WDR33: variants seen among roughly 807,000 people sequenced by gnomAD.
WDR33 encodes the protein pre-mRNA 3' end processing protein WDR33.
A neutral mutation model predicts 164.9 loss-of-function variants in WDR33; 47 were observed. The observed-to-expected ratio is 0.29, with a 90% CI of 0.23 to 0.36. The LOEUF (loss-of-function observed/expected upper bound fraction) is 0.36. Among genes scored for constraint, WDR33 ranks in the 10% least tolerant of loss-of-function variants. The pLI is 1.00. For missense variants in WDR33, 1,137 were observed against 1,754.1 expected, an observed-to-expected ratio of 0.65 and a Z score of 6.28; for synonymous variants, 505 against 589.0, an observed-to-expected ratio of 0.86 and a Z score of 2.06.
In WDR33 at chr2:127,724,765, TGCAA is replaced by T; in HGVS notation, c.1085+118_1085+121del. The T allele has an allele frequency of 9.2e-7, 1 of 1,087,728 alleles. No individual in the cohort carries two copies. The highest frequency in any genetic ancestry group is 1.4e-6 in the Non-Finnish European group (1 of 723,878). 67.4% of individuals were successfully genotyped at this position (1,087,728 alleles called of 1,614,324 possible). On this transcript the variant is annotated intron_variant, in intron 10 of 21. Coordinates refer to ENST00000322313, the MANE Select transcript of WDR33 (RefSeq NM_018383.5). This position sits in a 1 kb window ranked among gnomAD's most constrained non-coding sequence, Gnocchi z 4.8. ...AAGCTGGATTTACAGAACTGAAAAC[TGCAA>T]GCAGTCTCTGATATAGGATATATGA...
At chr2:127,732,304 TTC>T (rs931538454) in intron 7 of WDR33, among the ~76,000 whole-genome samples, 1 of 151,544 alleles carries the variant, frequency 6.6e-6, no homozygotes, top group African/African-American at 2.4e-5. Context: ...TTGAACTTTT[TTC>T]TTTTTTTTTT....
chr2:127,773,225 C>G (rs1319348972), intron 1 of WDR33, among the ~76,000 whole-genome samples: 1 of 152,164 alleles, frequency 6.6e-6, no homozygotes, highest in Non-Finnish European at 1.5e-5. Flanking sequence ...GCTTTTGTTT[C>G]AAAACCAGAA....
chr2:127,808,053 C>T (rs1176282915), intron 1 of WDR33, among the ~76,000 whole-genome samples: 1 of 152,078 alleles, frequency 6.6e-6, no homozygotes, highest in Admixed American at 6.6e-5. Context: ...ATACAAAATG[C>T]TTTAATAGCA....
At chr2:127,778,111 T>G (rs540802642) in intron 1 of WDR33, among the ~76,000 whole-genome samples, 1 of 152,022 alleles carries the variant, frequency 6.6e-6, no homozygotes, top group East Asian at 1.9e-4. Context: ...CTAGGCAGAA[T>G]AGCAAGACCC....
rs997945134 is a variant in WDR33, at chr2:127,736,158, GTCT to G, written c.725-9384_725-9382del. ...AATCTGTGGGAGAATTTGGTCACGAGTCTTCTTTTCTCAAGAGTACTTCCAAGT... is the reference window on the plus strand; with the variant it reads ...AATCTGTGGGAGAATTTGGTCACGAGTCTTTTCTCAAGAGTACTTCCAAGT... On this transcript the variant is annotated intron_variant, in intron 7 of 21. Coordinates refer to ENST00000322313, the MANE Select transcript of WDR33 (RefSeq NM_018383.5). The G allele has an allele frequency of 2.2e-5, 22 of 985,292 alleles. No individual in the cohort carries two copies. The African/African-American group carries it at 3.7e-4, about 16-fold the overall frequency. The allele number at this position is 985,292 out of a possible 1,614,324, so 61.0% of individuals were successfully genotyped here.
rs1686303316 is a variant in WDR33 at position 127,716,459 on chromosome 2, TC to T, written c.2869+695del. ...CAGTGTTTCCTCTCACTCCCCTCCATCCACTCCGAGTCACCCCCTGCAACTC... is the reference window on the plus strand; with the variant it reads ...CAGTGTTTCCTCTCACTCCCCTCCATCACTCCGAGTCACCCCCTGCAACTC... On this transcript the variant is annotated intron_variant, in intron 17 of 21. Coordinates refer to ENST00000322313, the MANE Select transcript of WDR33 (RefSeq NM_018383.5). This position sits in a 1 kb window ranked among gnomAD's most constrained non-coding sequence, Gnocchi z 4.5. Among the ~76,000 whole-genome samples, 1 of 152,078 alleles carries T rather than the reference TC, an allele frequency of 6.6e-6. No individual in the cohort carries two copies. Among genetic ancestry groups the T allele is most frequent in the African/African-American group, 2.4e-5 (1 of 41,408 alleles).
In WDR33 at chr2:127,724,770, G is replaced by A. The variant is rs1026599045; in HGVS notation, c.1085+117C>T. ...GGATTTACAGAACTGAAAACTGCAA[G>A]CAGTCTCTGATATAGGATATATGAA... On this transcript the variant is annotated intron_variant, in intron 10 of 21. Transcript: ENST00000322313. The surrounding 1 kb of genome is among the most constrained non-coding windows in gnomAD (Gnocchi z 4.8). The A allele has an allele frequency of 4.5e-6, 5 of 1,118,736 alleles. No homozygotes were observed. The highest frequency in any genetic ancestry group is 1.4e-5 in the South Asian group (1 of 72,852). The allele number at this position is 1,118,736 out of a possible 1,614,324, so 69.3% of individuals were successfully genotyped here.
intron 1 of WDR33, among the ~76,000 whole-genome samples, chr2:127,800,555 T>G (rs1027802827): frequency 6.8e-6 from 1 of 148,062 alleles, no homozygotes; most frequent in Non-Finnish European, 1.5e-5. Flanking sequence ...GAGAATGGCA[T>G]GAACCCAGGA....
intron 1 of WDR33, among the ~76,000 whole-genome samples, chr2:127,808,897 G>A (rs1689530990): frequency 6.6e-6 from 1 of 152,060 alleles, no homozygotes; most frequent in Non-Finnish European, 1.5e-5. Flanking sequence ...GGACGCGGTG[G>A]CGGGCGCCTA....
chr2:127,791,609 GC>G (rs1347048932), intron 1 of WDR33, among the ~76,000 whole-genome samples: 1 of 151,980 alleles, frequency 6.6e-6, no homozygotes, highest in Non-Finnish European at 1.5e-5. Context: ...TGTCACAGAG[GC>G]CCCCATCTCC....
At chr2:127,780,910 G>A (rs949394894) in intron 1 of WDR33, among the ~76,000 whole-genome samples, 1 of 152,000 alleles carries the variant, frequency 6.6e-6, no homozygotes, top group Non-Finnish European at 1.5e-5. Context: ...ACCCAGGCTG[G>A]AGTGCAGTGG....
At position 127,709,627 on chromosome 2, in the gene WDR33, G is replaced by GT; in HGVS notation, c.3473-46dup. 6.2e-7 allele frequency: 1 copy of GT among 1,612,428 alleles called. No individual in the cohort carries two copies. The highest frequency in any genetic ancestry group is 1.1e-5 in the South Asian group (1 of 91,074). On this transcript the variant is annotated intron_variant, in intron 19 of 21. Transcript: ENST00000322313. The surrounding 1 kb of genome is among the most constrained non-coding windows in gnomAD (Gnocchi z 5.0). Reference sequence around the variant, plus strand: ...ATGCTGCACTCAGACTGTTCCTGGTGTATTCACAACCAGTGTATTCTGCAC... The same window carrying GT: ...ATGCTGCACTCAGACTGTTCCTGGTGTTATTCACAACCAGTGTATTCTGCAC...
chr2:127,715,062 C>T (rs1476679382), intron 17 of WDR33, among the ~76,000 whole-genome samples: 1 of 151,294 alleles, frequency 6.6e-6, no homozygotes, highest in African/African-American at 2.4e-5. Context: ...AACAGCATCC[C>T]TCTTCTTTCT....
Position 127,738,075 on chromosome 2 carries a change from C to G in WDR33, c.725-11298G>C, listed in dbSNP as rs145942589. ...TGTATCTATCAAAACAAGAAGGGTG[C>G]ATGAACTCTTAAATACTGTGCAGGC... On this transcript the variant is annotated intron_variant, in intron 7 of 21. Coordinates refer to ENST00000322313, the MANE Select transcript of WDR33 (RefSeq NM_018383.5). The surrounding 1 kb of genome is among the most constrained non-coding windows in gnomAD (Gnocchi z 4.4). The G allele has an allele frequency of 9.5e-4, 1,528 of 1,610,358 alleles. 19 individuals carry two copies. The African/African-American group carries it at 0.017, about 18-fold the overall frequency.
At chr2:127,774,080 C>A (rs1228956976) in intron 1 of WDR33, among the ~76,000 whole-genome samples, 1 of 137,800 alleles carries the variant, frequency 7.3e-6, no homozygotes, top group Non-Finnish European at 1.5e-5. Flanking sequence ...AAGACAGAGT[C>A]TCACTCTGTT....
intron 1 of WDR33, among the ~76,000 whole-genome samples, chr2:127,785,695 T>C (rs1356988220): frequency 2.0e-5 from 3 of 152,220 alleles, no homozygotes; most frequent in Non-Finnish European, 4.4e-5. Context: ...ACTCTATGGA[T>C]GTACCAAACT....
chr2:127,759,080 C>T (rs1364379345), intron 7 of WDR33, among the ~76,000 whole-genome samples: 1 of 152,026 alleles, frequency 6.6e-6, no homozygotes. Flanking sequence ...TTAATAAAAA[C>T]TTTAAAAAAT....
At position 127,720,232 on chromosome 2, in the gene WDR33, G is replaced by A. The variant is rs746663412; in HGVS notation, c.1793C>T (p.Pro598Leu). The change falls in exon 16 of 22, where the codon CCT becomes CTT. Residue 598 changes from proline (P) to leucine (L), a missense_variant. Transcript: ENST00000322313. The surrounding 1 kb of genome is among the most constrained non-coding windows in gnomAD (Gnocchi z 5.9). Reference protein sequence around the residue: ...FPGQGPMSQIPQGFQQPHPSQ... With the variant: ...FPGQGPMSQILQGFQQPHPSQ... The stretch of plus-strand genomic sequence containing the variant: ...TGGATGGGGCTGTTGAAAACCTTGA[G>A]GAATCTGAGACATTGGACCTTGTCC... 6.9e-6 allele frequency: 11 copies of A among 1,595,112 alleles called. No individual in the cohort carries two copies. Among genetic ancestry groups the A allele is most frequent in the South Asian group, 4.5e-5 (4 of 88,420 alleles).
chr2:127,788,285 C>T (rs1256559855), intron 1 of WDR33, among the ~76,000 whole-genome samples: 3 of 128,232 alleles, frequency 2.3e-5, no homozygotes, highest in South Asian at 2.5e-4. Context: ...GGCGGCCGGC[C>T]GGGCGGGGGG....
Sources: gnomAD v4.1 joint callset for allele counts (sites outside exome capture counted in the v4.1 genomes callset) on GRCh38, gnomAD v4.1.1 for gene constraint, Gnocchi (gnomAD v3.1) non-coding constraint, MANE v1.5 for transcripts, NCBI Gene and HGNC (gene_info 2026-07-23, HGNC 2026-07-21) for gene names.